Variants in SLU7 observed in about 807,000 individuals in gnomAD.
SLU7 encodes pre-mRNA-splicing factor SLU7.
Under a neutral mutation model 87.0 loss-of-function variants are expected in SLU7, and 60 were observed. That is an observed-to-expected ratio of 0.69 (90% confidence interval 0.56 to 0.86). The LOEUF (loss-of-function observed/expected upper bound fraction) is 0.86. Ranked by LOEUF, SLU7 falls within the 40% of genes least tolerant of loss-of-function variation. SLU7 has a pLI of 0.00. For synonymous variants in SLU7, 197 were observed against 222.0 expected, an observed-to-expected ratio of 0.89 and a Z score of 1.00; for missense variants, 507 against 686.6, an observed-to-expected ratio of 0.74 and a Z score of 2.92.
Position 160,415,278 on chromosome 5 carries a change from A to G in SLU7, c.17T>C (p.Val6Ala). ...TAGGGGTGCAGCATTAACTGCATCT[A>G]CAACTGTGGCTGACATGGTTATCTG... is the stretch of plus-strand genomic sequence containing the variant. MSATV[V>A]DAVNAAPLSG... The change falls in exon 2 of 16, where the codon GTA (valine) becomes GCA (alanine). Residue 6 changes from valine to alanine, a missense_variant. Around this residue, in one of 6 missense-constraint regions of SLU7, gnomAD observed 33 missense variants for 37.3 expected, o/e 0.88. Transcript: ENST00000297151. 6.3e-7 allele frequency: 1 copy of G among 1,588,178 alleles called. No homozygotes were observed.
chr5:160,408,482 AAAGT>A lies in SLU7; in HGVS notation c.688-26_688-23del, dbSNP rs779518580. 29 of 1,578,420 alleles carry A rather than the reference AAAGT, an allele frequency of 1.8e-5. No homozygotes were observed. In the African/African-American group the frequency reaches 1.9e-4, roughly 10 times the overall value. On this transcript the variant is annotated intron_variant, in intron 7 of 15. Coordinates refer to ENST00000297151, the MANE Select transcript of SLU7 (RefSeq NM_006425.5). Reference sequence around the variant, plus strand: ...TTTCCTAAAAGAGGGAGAGGAAGGAAAAGTAAGAAGAAAAGAAAGCAGCATGTAG... The same window carrying A: ...TTTCCTAAAAGAGGGAGAGGAAGGAAAAGAAGAAAAGAAAGCAGCATGTAG...
intron 8 of SLU7, 22 bp from the exon 9 acceptor site, chr5:160,408,090 A>C (rs1388508706): frequency 1.3e-6 from 2 of 1,511,418 alleles, no homozygotes; most frequent in African/African-American, 1.4e-5. Flanking sequence ...AAATATTTAA[A>C]GAATTAATGT....
chr5:160,417,791 C>CA (rs33929783), intron 1 of SLU7, among the ~76,000 whole-genome samples: 20,575 of 111,090 alleles, frequency 0.19, 2,451 homozygotes, highest in African/African-American at 0.31. Context: ...GACTACGTCT[C>CA]AAAAAAAAAA....
rs758206933 is a variant in SLU7 at position 160,404,519 on chromosome 5, T to G, written c.1502A>C (p.Lys501Thr). 99 of 1,608,780 alleles carry G rather than the reference T, an allele frequency of 6.2e-5. 1 individual carries two copies. The East Asian group carries it at 7.8e-4, about 13-fold the overall frequency. The change falls in exon 15 of 16, where the codon AAG becomes ACG. Residue 501 changes from lysine (K) to threonine (T), a missense_variant. Coordinates refer to ENST00000297151, the MANE Select transcript of SLU7 (RefSeq NM_006425.5). ...QEKLKEEKKK[K>T]KKKKKKHRKS... ...TCGATGCTTCTTCTTTTTCTTTTTC[T>G]TCTTCTTCTTTTCCTCTTTCAGTTT...
chr5:160,405,010 G>T, intron 13 of SLU7, 21 bp downstream of exon 13: 1 of 1,581,950 alleles, frequency 6.3e-7, no homozygotes, highest in South Asian at 1.1e-5. Context: ...ATACCTTTAA[G>T]AACCAAAGAC....
rs1484734237 is a variant in SLU7 at position 160,407,075 on chromosome 5, G to T, written c.1125+401C>A. 6.6e-6 allele frequency among the ~76,000 whole-genome samples: 1 copy of T among 152,166 alleles called. No individual in the cohort carries two copies. Among genetic ancestry groups the T allele is most frequent in the Non-Finnish European group, 1.5e-5 (1 of 68,022 alleles). On this transcript the variant is annotated intron_variant, in intron 11 of 15. Transcript: ENST00000297151. The surrounding 1 kb of genome is among the most constrained non-coding windows in gnomAD (Gnocchi z 4.2). The stretch of plus-strand genomic sequence containing the variant: ...AACTCTGAGAATGCCATTTTAAAAA[G>T]CTGTGCTACCCTACTAGAGGATGAA...
intron 5 of SLU7, among the ~76,000 whole-genome samples, 189 bp downstream of exon 5, chr5:160,413,267 C>G (rs2113152822): frequency 6.6e-6 from 1 of 152,226 alleles, no homozygotes; most frequent in East Asian, 1.9e-4. Flanking sequence ...AAACTGCTGG[C>G]AAGTATGGCT....
chr5:160,403,587 G>T, intron 15 of SLU7, 123 bp from the exon 16 acceptor site: 1 of 759,262 alleles, frequency 1.3e-6, no homozygotes. Context: ...CAGATTGCCT[G>T]AAAGAGCTTT....
In SLU7 at chr5:160,413,924, G is replaced by A; in HGVS notation, c.380C>T (p.Thr127Ile). Residue 127 changes from threonine to isoleucine, a missense_variant, in exon 4 of 16, where the codon ACA (threonine) becomes ATA (isoleucine). Coordinates refer to ENST00000297151, the MANE Select transcript of SLU7 (RefSeq NM_006425.5). ...CTCAAAGCAGTCTTTCTTTTTGTGT[G>A]TCATGGCCCCACAATTTTCACATGC... ...KGACENCGAM[T>I]HKKKDCFERP... The A allele has an allele frequency of 6.2e-7, 1 of 1,602,276 alleles. No individual in the cohort carries two copies. The highest frequency in any genetic ancestry group is 8.5e-7 in the Non-Finnish European group (1 of 1,175,560).
intron 5 of SLU7, among the ~76,000 whole-genome samples, chr5:160,413,052 C>A (rs1025042887): frequency 3.3e-5 from 5 of 151,830 alleles, no homozygotes; most frequent in African/African-American, 1.2e-4. Flanking sequence ...TTTTCTGAAA[C>A]AAATTATCCA....
At chr5:160,417,851 GA>G (rs1198892650) in intron 1 of SLU7, among the ~76,000 whole-genome samples, 1 of 149,628 alleles carries the variant, frequency 6.7e-6, no homozygotes, top group East Asian at 1.9e-4. Flanking sequence ...TCTAAAAACT[GA>G]CATCTTTTTA....
chr5:160,403,927 C>T (rs1764890374), intron 15 of SLU7, among the ~76,000 whole-genome samples: 1 of 152,164 alleles, frequency 6.6e-6, no homozygotes, highest in East Asian at 1.9e-4. Flanking sequence ...CTAAATACTC[C>T]AAGAAGAAGG....
At chr5:160,411,894 TAGAA>T (rs1458665946) in intron 6 of SLU7, among the ~76,000 whole-genome samples, 2 of 152,090 alleles carry the variant, frequency 1.3e-5, no homozygotes, top group Non-Finnish European at 2.9e-5. Flanking sequence ...ACTAAAGAAA[TAGAA>T]AGAAAAATTC....
chr5:160,414,675 CAACTAAGA>C (rs1345689187), intron 2 of SLU7, among the ~76,000 whole-genome samples: 4 of 151,522 alleles, frequency 2.6e-5, no homozygotes, highest in Non-Finnish European at 4.4e-5. Flanking sequence ...AAAATATTTC[CAACTAAGA>C]AACTAAGAAT....
rs542687446 is a variant in SLU7, at chr5:160,409,599, G to A, written c.640-902C>T. Among the ~76,000 whole-genome samples, 8 of 152,256 alleles carry A rather than the reference G, an allele frequency of 5.3e-5. No individual in the cohort carries two copies. The South Asian group carries it at 1.4e-3, about 28-fold the overall frequency. ...TTCTAGAAGGTTATCCTAGTATCAT[G>A]TCAATTATATAAAGATGTATAAGAA... On this transcript the variant is annotated intron_variant, in intron 6 of 15. Coordinates refer to ENST00000297151, the MANE Select transcript of SLU7 (RefSeq NM_006425.5).
intron 6 of SLU7, among the ~76,000 whole-genome samples, chr5:160,411,959 GATA>G (rs539433603): frequency 6.8e-4 from 103 of 152,150 alleles, no homozygotes; most frequent in African/African-American, 2.3e-3. Context: ...TTTTCTGTGT[GATA>G]ATATTATACT....
Position 160,407,308 on chromosome 5 carries a change from A to G in SLU7, c.1125+168T>C, listed in dbSNP as rs1765052584. Among the ~76,000 whole-genome samples the G allele has an allele frequency of 1.5e-5, 1 of 67,086 alleles. No individual in the cohort carries two copies. The highest frequency in any genetic ancestry group is 3.1e-4 in the East Asian group (1 of 3,242). The allele number at this position is 67,086 out of a possible 152,430, so 44.0% of individuals were successfully genotyped here. A position where few individuals can be genotyped will look rare whatever the true frequency, so the allele number is the denominator to read the frequency against. On this transcript the variant is annotated intron_variant, in intron 11 of 15. Transcript: ENST00000297151. This position sits in a 1 kb window ranked among gnomAD's most constrained non-coding sequence, Gnocchi z 4.2. Reference sequence around the variant, plus strand: ...ATTTGAGGTAGCTTGTTTTGCTGCAAAAGCTCATACAAAATTACCATCTGA... The same window carrying G: ...ATTTGAGGTAGCTTGTTTTGCTGCAGAAGCTCATACAAAATTACCATCTGA...
In SLU7 at chr5:160,407,959, C is replaced by T. The variant is rs765376819; in HGVS notation, c.917+12G>A. On this transcript the variant is annotated intron_variant, in intron 9 of 15. Transcript: ENST00000297151. The surrounding 1 kb of genome is among the most constrained non-coding windows in gnomAD (Gnocchi z 4.2). ...CTCATCTTAAAATCTGTACATTTAACTTGATACTTACTCATCTGGATTCTT... is the reference window on the plus strand; with the variant it reads ...CTCATCTTAAAATCTGTACATTTAATTTGATACTTACTCATCTGGATTCTT... 4 of 1,582,094 alleles carry T rather than the reference C, an allele frequency of 2.5e-6. No individual in the cohort carries two copies. The highest frequency in any genetic ancestry group is 2.2e-5 in the East Asian group (1 of 44,630).
chr5:160,401,871 C>T lies in SLU7; in HGVS notation c.*1414G>A, dbSNP rs1245650271. ...TACTTGACAATTTGACTCAGTTACT[C>T]ACACCACTGTTTCTGAGATGCTGAC... On this transcript the variant is annotated 3_prime_UTR_variant, in exon 16 of 16. Coordinates refer to ENST00000297151, the MANE Select transcript of SLU7 (RefSeq NM_006425.5). 4 of 152,230 alleles carry T rather than the reference C, an allele frequency of 2.6e-5. No individual in the cohort carries two copies. 9.4% of individuals were successfully genotyped at this position (152,230 alleles called of 1,614,324 possible).
Sources: gnomAD v4.1 joint callset for allele counts (sites outside exome capture counted in the v4.1 genomes callset) on GRCh38, gnomAD v4.1.1 for gene constraint, gnomAD v4.1.1 regional missense constraint, Gnocchi (gnomAD v3.1) non-coding constraint, MANE v1.5 for transcripts, NCBI Gene and HGNC (gene_info 2026-07-23, HGNC 2026-07-21) for gene names.